The following TMED3 variants were observed in gnomAD, a reference collection of about 807,000 sequenced individuals.
The protein encoded by TMED3 is transmembrane p24 trafficking protein 3.
Under a neutral mutation model 15.0 loss-of-function variants are expected in TMED3, and 9 were observed. The observed-to-expected ratio is 0.60, with a 90% CI of 0.36 to 1.04. The LOEUF (loss-of-function observed/expected upper bound fraction) is 1.04, where lower values mean the gene tolerates loss of function less well. Among genes scored for constraint, TMED3 ranks in the 50% least tolerant of loss-of-function variants. The pLI, the probability that TMED3 is intolerant of heterozygous loss-of-function variation, is 0.01. For synonymous variants in TMED3, 117 were observed against 121.4 expected, an observed-to-expected ratio of 0.96 and a Z score of 0.24; for missense variants, 267 against 278.9, an observed-to-expected ratio of 0.96 and a Z score of 0.30.
intron 2 of TMED3, among the ~76,000 whole-genome samples, chr15:79,380,153 C>A (rs1893495837): frequency 6.6e-6 from 1 of 151,966 alleles, no homozygotes; most frequent in African/African-American, 2.4e-5. Flanking sequence ...GAGTTCGAGA[C>A]CAGCCTGACC....
intron 2 of TMED3, among the ~76,000 whole-genome samples, chr15:79,357,202 C>T (rs989139730): frequency 4.6e-5 from 7 of 151,902 alleles, no homozygotes; most frequent in South Asian, 2.1e-4. Context: ...AACAAGCACA[C>T]GGCTGGGCAT....
chr15:79,314,346 T>G (rs1370191545), intron 2 of TMED3, among the ~76,000 whole-genome samples: 1 of 152,200 alleles, frequency 6.6e-6, no homozygotes, highest in Non-Finnish European at 1.5e-5. Context: ...AAGACCAAAG[T>G]CCTACTTTGT....
intron 2 of TMED3, among the ~76,000 whole-genome samples, chr15:79,391,125 G>C (rs1026000553): frequency 6.6e-6 from 1 of 151,342 alleles, no homozygotes; most frequent in South Asian, 2.1e-4. Context: ...CTTCTGCTGG[G>C]TTTGAGTTTG....
intron 2 of TMED3, among the ~76,000 whole-genome samples, chr15:79,356,978 G>A (rs1381701452): frequency 6.6e-6 from 1 of 152,018 alleles, no homozygotes; most frequent in African/African-American, 2.4e-5. Flanking sequence ...GGAAACAAGG[G>A]AAAGCAAACT....
intron 1 of TMED3, among the ~76,000 whole-genome samples, chr15:79,313,082 C>T (rs1261199081): frequency 6.6e-6 from 1 of 152,212 alleles, no homozygotes; most frequent in African/African-American, 2.4e-5. Context: ...ATTGACTCCT[C>T]ACTTCATGGA....
downstream of TMED3, among the ~76,000 whole-genome samples, chr15:79,325,007 G>A (rs190528823): frequency 7.6e-4 from 116 of 152,282 alleles, no homozygotes; most frequent in African/African-American, 2.7e-3. Flanking sequence ...GATTCACCCT[G>A]TTTTCAGTAA....
intron 2 of TMED3, among the ~76,000 whole-genome samples, chr15:79,337,190 C>A (rs970786213): frequency 6.6e-6 from 1 of 152,214 alleles, no homozygotes; most frequent in Non-Finnish European, 1.5e-5. Flanking sequence ...AGTCAGAGAT[C>A]AAGGTGTCAA....
At chr15:79,382,183 T>A (rs997240115) in intron 2 of TMED3, among the ~76,000 whole-genome samples, 3 of 152,142 alleles carry the variant, frequency 2.0e-5, no homozygotes, top group African/African-American at 7.2e-5. Flanking sequence ...GGCAGGCCTG[T>A]CCTAGGAAGA....
intron 2 of TMED3, among the ~76,000 whole-genome samples, chr15:79,397,281 GAAGA>G (rs1449546932): frequency 2.0e-5 from 3 of 152,190 alleles, no homozygotes; most frequent in South Asian, 2.1e-4. Flanking sequence ...TTTTGAGAAG[GAAGA>G]AAGAGTTTTC....
chr15:79,326,373 G>T (rs2058787566), downstream of TMED3, among the ~76,000 whole-genome samples: 1 of 152,004 alleles, frequency 6.6e-6, no homozygotes, highest in Non-Finnish European at 1.5e-5. Context: ...ACTTCAAAAG[G>T]GGCTCCTGAG....
intron 2 of TMED3, among the ~76,000 whole-genome samples, chr15:79,342,752 T>C: frequency 6.6e-6 from 1 of 152,196 alleles, no homozygotes; most frequent in East Asian, 1.9e-4. Context: ...TAATAACCAT[T>C]TGTTAAGTGT....
rs564896443 is a variant in TMED3 at position 79,336,004 on chromosome 15, C to G, written c.417+21999C>G. On this transcript the variant is annotated intron_variant, in intron 2 of 2. Transcript: ENST00000424155. The stretch of plus-strand genomic sequence containing the variant: ...AGACACAGAGAATTTAATCTTTTCC[C>G]AAGGCTATGCAGCTAGTAAGGAAAA... 3.9e-5 allele frequency among the ~76,000 whole-genome samples: 6 copies of G among 152,280 alleles called. No homozygotes were observed. In the South Asian group the frequency reaches 1.2e-3, roughly 32 times the overall value.
chr15:79,314,810 C>G (rs1217121293), intron 2 of TMED3, among the ~76,000 whole-genome samples: 1 of 152,142 alleles, frequency 6.6e-6, no homozygotes, highest in Non-Finnish European at 1.5e-5. Context: ...TTCTCTGATC[C>G]CATCCTCCTT....
At chr15:79,404,685 A>G (rs1893879116) in intron 2 of TMED3, among the ~76,000 whole-genome samples, 1 of 152,070 alleles carries the variant, frequency 6.6e-6, no homozygotes. Flanking sequence ...CAGCCAAAAC[A>G]TTTGCCGCTA....
At chr15:79,353,205 ATATAT>A (rs2058901627) in intron 2 of TMED3, among the ~76,000 whole-genome samples, 1 of 90,564 alleles carries the variant, frequency 1.1e-5, no homozygotes, top group East Asian at 3.0e-4. Flanking sequence ...TATATAAAAT[ATATAT>A]TATATATATT....
chr15:79,360,010 A>G (rs1893093243), intron 2 of TMED3, among the ~76,000 whole-genome samples: 2 of 152,214 alleles, frequency 1.3e-5, no homozygotes, highest in African/African-American at 2.4e-5. Context: ...ATACTCTTCC[A>G]CTGTTACCCA....
chr15:79,383,817 T>C (rs1054275791), intron 2 of TMED3: 6 of 152,276 alleles, frequency 3.9e-5, no homozygotes, highest in Non-Finnish European at 5.9e-5. Context: ...AGGTCCTAGG[T>C]TTATAAAGAC....
At chr15:79,323,337 G>A (rs948166526), downstream of TMED3, among the ~76,000 whole-genome samples, 2 of 152,180 alleles carry the variant, frequency 1.3e-5, no homozygotes, top group African/African-American at 4.8e-5. Flanking sequence ...CGTCTGACAG[G>A]CGTTAATGCA....
intron 2 of TMED3, among the ~76,000 whole-genome samples, chr15:79,360,411 C>A (rs139000077): frequency 6.6e-6 from 1 of 152,322 alleles, no homozygotes; most frequent in African/African-American, 2.4e-5. Flanking sequence ...GGTCACATAG[C>A]TACTGTCTTC....
Sources: gnomAD v4.1 joint callset for allele counts (sites outside exome capture counted in the v4.1 genomes callset) on GRCh38, gnomAD v4.1.1 for gene constraint, MANE v1.5 for transcripts, NCBI Gene and HGNC (gene_info 2026-07-23, HGNC 2026-07-21) for gene names.